Variants in SFMBT2 observed in about 807,000 individuals in gnomAD.
SFMBT2 encodes the protein Scm like with four mbt domains 2.
A neutral mutation model predicts 110.1 loss-of-function variants in SFMBT2; 38 were observed. The ratio of observed to expected loss-of-function variants is 0.35; its 90% CI spans 0.27 to 0.45. The LOEUF (loss-of-function observed/expected upper bound fraction) is 0.45. SFMBT2 is among the 20% of genes least tolerant of loss of function. SFMBT2 has a pLI of 1.00. For missense variants in SFMBT2, 1,011 were observed against 1,094.9 expected (o/e 0.92, Z 1.08); for synonymous variants, 425 against 425.4 (o/e 1.00, Z 0.01).
At chr10:7,262,946 G>A (rs1031048668) in intron 7 of SFMBT2, among the ~76,000 whole-genome samples, 4 of 152,116 alleles carry the variant, frequency 2.6e-5, no homozygotes, top group Admixed American at 1.3e-4. Context: ...TGCCAGGGAC[G>A]GGTATTCAAC....
intron 20 of SFMBT2, among the ~76,000 whole-genome samples, chr10:7,165,418 A>C (rs1837671013): frequency 6.6e-6 from 1 of 152,260 alleles, no homozygotes; most frequent in Admixed American, 6.5e-5. Flanking sequence ...GGTAGCCTTG[A>C]GCAGACTAAT....
chr10:7,176,890 T>A (rs1838075197), intron 16 of SFMBT2, among the ~76,000 whole-genome samples: 1 of 152,068 alleles, frequency 6.6e-6, no homozygotes, highest in South Asian at 2.1e-4. Context: ...GTAAGGGGTC[T>A]CCGGTGGATG....
Position 7,163,988 on chromosome 10 carries a change from C to A in SFMBT2, c.2545-78G>T. 6.6e-7 allele frequency: 1 copy of A among 1,504,104 alleles called. No homozygotes were observed. Among genetic ancestry groups the A allele is most frequent in the Non-Finnish European group, 8.9e-7 (1 of 1,126,816 alleles). The allele number at this position is 1,504,104 out of a possible 1,614,324, so 93.2% of individuals were successfully genotyped here. On this transcript the variant is annotated intron_variant, in intron 20 of 20. Transcript: ENST00000397167. This position sits in a 1 kb window ranked among gnomAD's most constrained non-coding sequence, Gnocchi z 4.8. ...CAGATGCGTCACAGCAGGCTCCAGT[C>A]CGGGGCCAAACATGACAACAGGATG... is the stretch of plus-strand genomic sequence containing the variant.
intron 11 of SFMBT2, chr10:7,215,532 T>C (rs746457417): frequency 1.4e-4 from 133 of 985,166 alleles, no homozygotes; most frequent in Non-Finnish European, 1.5e-4. Flanking sequence ...TCCAACACTG[T>C]ACATGGGGGC....
At position 7,172,795 on chromosome 10, in the gene SFMBT2, A is replaced by G; in HGVS notation, c.1985-134T>C. The G allele has an allele frequency of 8.9e-7, 1 of 1,126,946 alleles. No individual in the cohort carries two copies. The highest frequency in any genetic ancestry group is 1.2e-6 in the Non-Finnish European group (1 of 804,512). 69.8% of individuals were successfully genotyped at this position (1,126,946 alleles called of 1,614,324 possible). On this transcript the variant is annotated intron_variant, in intron 17 of 20. Coordinates refer to ENST00000397167, the MANE Select transcript of SFMBT2 (RefSeq NM_001387889.1). The surrounding 1 kb of genome is among the most constrained non-coding windows in gnomAD (Gnocchi z 4.6). ...TGTGCCTTACGAAGTCATTCTGAGA[A>G]AACAGACCCACAGGAGAAGCACTGC...
chr10:7,194,353 C>T (rs990999987), intron 15 of SFMBT2, among the ~76,000 whole-genome samples: 2 of 152,192 alleles, frequency 1.3e-5, no homozygotes, highest in Non-Finnish European at 2.9e-5. Context: ...CCAGAAACTT[C>T]GTCCTCTCTT....
At chr10:7,404,973 G>C (rs1846174990) in intron 1 of SFMBT2, among the ~76,000 whole-genome samples, 1 of 152,278 alleles carries the variant, frequency 6.6e-6, no homozygotes, top group South Asian at 2.1e-4. Flanking sequence ...TTACAATACA[G>C]TCTTACAGTC....
intron 4 of SFMBT2, among the ~76,000 whole-genome samples, chr10:7,362,227 C>T (rs559090799): frequency 3.9e-5 from 6 of 152,232 alleles, no homozygotes; most frequent in South Asian, 2.1e-4. Flanking sequence ...CTGCTCTGAA[C>T]GGCCGATTGG....
At chr10:7,255,938 C>T (rs919176608) in intron 7 of SFMBT2, among the ~76,000 whole-genome samples, 3 of 152,180 alleles carry the variant, frequency 2.0e-5, no homozygotes, top group African/African-American at 7.2e-5. Flanking sequence ...AAATGTACTG[C>T]AAATATTCCA....
At chr10:7,221,356 C>A (rs1839730959) in intron 10 of SFMBT2, among the ~76,000 whole-genome samples, 1 of 151,776 alleles carries the variant, frequency 6.6e-6, no homozygotes, top group Non-Finnish European at 1.5e-5. Context: ...CACTTGAGGT[C>A]AGGAGTTCAA....
intron 4 of SFMBT2, among the ~76,000 whole-genome samples, chr10:7,338,299 T>C (rs1275468440): frequency 1.3e-5 from 2 of 152,212 alleles, no homozygotes; most frequent in African/African-American, 4.8e-5. Flanking sequence ...CAATTGACCC[T>C]GTAAAACTGA....
chr10:7,207,309 G>A (rs1353024427), intron 11 of SFMBT2, among the ~76,000 whole-genome samples: 1 of 151,664 alleles, frequency 6.6e-6, no homozygotes, highest in East Asian at 1.9e-4. Context: ...GCAGTGAGCA[G>A]TGATTGCACT....
At position 7,330,085 on chromosome 10, in the gene SFMBT2, G is replaced by A. The variant is rs113884736; in HGVS notation, c.436+37564C>T. Among the ~76,000 whole-genome samples the A allele has an allele frequency of 3.5e-4, 53 of 152,158 alleles. 2 individuals carry two copies. The highest frequency in any genetic ancestry group is 6.8e-3 in the Middle Eastern group (2 of 294). On this transcript the variant is annotated intron_variant, in intron 4 of 20. Coordinates refer to ENST00000397167, the MANE Select transcript of SFMBT2 (RefSeq NM_001387889.1). ...CCTGTGGCCCCTGGGAACCCTTCTC[G>A]GCTGCTAAAAATCTCGGCTGCCCAA... is the stretch of plus-strand genomic sequence containing the variant.
At chr10:7,335,908 T>A (rs1462103185) in intron 4 of SFMBT2, among the ~76,000 whole-genome samples, 5 of 152,156 alleles carry the variant, frequency 3.3e-5, no homozygotes, top group African/African-American at 1.2e-4. Context: ...TAATACCATA[T>A]GGCATGATGT....
intron 16 of SFMBT2, among the ~76,000 whole-genome samples, chr10:7,177,888 A>C (rs1170971271): frequency 3.3e-5 from 5 of 151,956 alleles, no homozygotes; most frequent in Non-Finnish European, 7.4e-5. Context: ...AAGAAGAAGA[A>C]GTTGAAAAGC....
At position 7,214,455 on chromosome 10, in the gene SFMBT2, C is replaced by T. The variant is rs1041903666; in HGVS notation, c.1330+5956G>A. 1.1e-5 allele frequency: 7 copies of T among 645,878 alleles called. No individual in the cohort carries two copies. In the African/African-American group the frequency reaches 1.2e-4, roughly 11 times the overall value. 40.0% of individuals were successfully genotyped at this position (645,878 alleles called of 1,614,324 possible). The stretch of plus-strand genomic sequence containing the variant: ...AGTCAGATAAATGGGAAGATGCCAC[C>T]GGACAATTGCAGAGTGACGCATTTC... On this transcript the variant is annotated intron_variant, in intron 11 of 20. Coordinates refer to ENST00000397167, the MANE Select transcript of SFMBT2 (RefSeq NM_001387889.1).
chr10:7,259,170 G>A (rs12412153), intron 7 of SFMBT2, among the ~76,000 whole-genome samples: 37,593 of 152,028 alleles, frequency 0.25, 5,055 homozygotes, highest in South Asian at 0.43. Context: ...CTGGGAAGGC[G>A]CAAAACTTCT....
chr10:7,202,626 C>G, intron 12 of SFMBT2, 104 bp from the exon 13 acceptor site: 1 of 1,582,772 alleles, frequency 6.3e-7, no homozygotes, highest in Non-Finnish European at 8.6e-7. Flanking sequence ...TTTAAAGTAG[C>G]AATTTAAATG....
At chr10:7,371,568 C>T (rs191783540) in intron 2 of SFMBT2, among the ~76,000 whole-genome samples, 166 of 152,298 alleles carry the variant, frequency 1.1e-3, no homozygotes, top group African/African-American at 3.8e-3. Flanking sequence ...AACATATACA[C>T]GGCATAAATG....
Sources: gnomAD v4.1 joint callset for allele counts (sites outside exome capture counted in the v4.1 genomes callset) on GRCh38, gnomAD v4.1.1 for gene constraint, Gnocchi (gnomAD v3.1) non-coding constraint, MANE v1.5 for transcripts, NCBI Gene and HGNC (gene_info 2026-07-23, HGNC 2026-07-21) for gene names.